CACNA2D1: variants seen among roughly 807,000 people sequenced by gnomAD.
The protein encoded by CACNA2D1 is calcium voltage-gated channel auxiliary subunit alpha2delta 1, also known as voltage-dependent calcium channel subunit alpha-2/delta-1.
Under a neutral mutation model 171.5 loss-of-function variants are expected in CACNA2D1, and 53 were observed. The observed-to-expected ratio is 0.31, with a 90% CI of 0.25 to 0.39. The LOEUF (loss-of-function observed/expected upper bound fraction) is 0.39. Ranked by LOEUF, CACNA2D1 falls within the 10% of genes least tolerant of loss-of-function variation. The pLI is 1.00. For missense variants in CACNA2D1, 903 were observed against 1,299.8 expected, an observed-to-expected ratio of 0.69 and a Z score of 4.69; for synonymous variants, 442 against 443.1, an observed-to-expected ratio of 1.00 and a Z score of 0.03.
intron 1 of CACNA2D1, among the ~76,000 whole-genome samples, chr7:82,357,861 T>TA (rs58172656): frequency 0.098 from 11,603 of 118,124 alleles, 504 homozygotes; most frequent in African/African-American, 0.15. Context: ...TAAAGTATAA[T>TA]AAAAAAAAAA....
At chr7:82,264,599 A>G (rs1317206950) in intron 3 of CACNA2D1, among the ~76,000 whole-genome samples, 1 of 152,194 alleles carries the variant, frequency 6.6e-6, no homozygotes, top group Non-Finnish European at 1.5e-5. Flanking sequence ...TCAAATTTTA[A>G]TTATGCTGCC....
At chr7:82,230,927 G>A (rs1263931510) in intron 3 of CACNA2D1, among the ~76,000 whole-genome samples, 1 of 152,136 alleles carries the variant, frequency 6.6e-6, no homozygotes, top group African/African-American at 2.4e-5. Flanking sequence ...CTTGAGGCAG[G>A]CGCCAAGTCA....
chr7:81,963,759 ATATT>A (rs1445570106), intron 34 of CACNA2D1, among the ~76,000 whole-genome samples: 1 of 151,996 alleles, frequency 6.6e-6, no homozygotes, highest in African/African-American at 2.4e-5. Flanking sequence ...GTTTTTATAA[ATATT>A]TAATACAAAT....
chr7:82,285,031 C>T (rs1031688859), intron 3 of CACNA2D1, among the ~76,000 whole-genome samples: 2 of 152,078 alleles, frequency 1.3e-5, no homozygotes, highest in East Asian at 3.9e-4. Context: ...AAGCCCGGGG[C>T]GATGAAAATC....
chr7:82,429,939 C>A (rs576791528), intron 1 of CACNA2D1, among the ~76,000 whole-genome samples: 1 of 152,272 alleles, frequency 6.6e-6, no homozygotes, highest in Non-Finnish European at 1.5e-5. Flanking sequence ...CCATTGTGCC[C>A]ATCTTCCTGA....
At chr7:82,378,965 G>A (rs1823355493) in intron 1 of CACNA2D1, among the ~76,000 whole-genome samples, 1 of 151,440 alleles carries the variant, frequency 6.6e-6, no homozygotes, top group Non-Finnish European at 1.5e-5. Context: ...GTGTGTGTGT[G>A]TGTGTGTGTG....
At chr7:81,990,427 G>C (rs1797421430) in intron 21 of CACNA2D1, among the ~76,000 whole-genome samples, 1 of 152,080 alleles carries the variant, frequency 6.6e-6, no homozygotes, top group African/African-American at 2.4e-5. Flanking sequence ...GTAGGAGAGA[G>C]TGACAATGAG....
chr7:82,194,541 A>C (rs1159683887), intron 3 of CACNA2D1, among the ~76,000 whole-genome samples: 1 of 151,982 alleles, frequency 6.6e-6, no homozygotes, highest in East Asian at 1.9e-4. Flanking sequence ...TTAATGAATA[A>C]TAGCTATTAA....
intron 1 of CACNA2D1, among the ~76,000 whole-genome samples, chr7:82,396,346 T>C (rs1159513377): frequency 1.3e-5 from 2 of 152,142 alleles, no homozygotes; most frequent in East Asian, 1.9e-4. Flanking sequence ...AAAAAATACA[T>C]AAATAAGATT....
intron 4 of CACNA2D1, among the ~76,000 whole-genome samples, chr7:82,164,883 G>T (rs1795281072): frequency 6.6e-6 from 1 of 151,878 alleles, no homozygotes; most frequent in Admixed American, 6.6e-5. Context: ...CAAATAAGCA[G>T]TATACAACAA....
chr7:82,148,460 A>G (rs1793408418), intron 4 of CACNA2D1, among the ~76,000 whole-genome samples: 1 of 152,200 alleles, frequency 6.6e-6, no homozygotes, highest in South Asian at 2.1e-4. Flanking sequence ...CTCCAGTTAT[A>G]GGTAGGAAAC....
intron 3 of CACNA2D1, among the ~76,000 whole-genome samples, chr7:82,310,660 G>A (rs1814341551): frequency 6.6e-6 from 1 of 152,022 alleles, no homozygotes; most frequent in Non-Finnish European, 1.5e-5. Flanking sequence ...AAAAGGGGAA[G>A]GGAGAGAGAA....
chr7:82,291,860 A>G (rs1811680508), intron 3 of CACNA2D1, among the ~76,000 whole-genome samples: 3 of 151,624 alleles, frequency 2.0e-5, no homozygotes, highest in Admixed American at 2.0e-4. Context: ...TTCCATTTTT[A>G]AATATAACAC....
At chr7:82,388,062 C>CAAAAAAAAAAAAAAAA (rs772179078) in intron 1 of CACNA2D1, among the ~76,000 whole-genome samples, 1 of 79,226 alleles carries the variant, frequency 1.3e-5, no homozygotes, top group African/African-American at 4.3e-5. Context: ...ACCCTGTCTC[C>CAAAAAAAAAAAAAAAA]AAAAAAAAAA....
chr7:82,236,869 TA>T (rs997333653), intron 3 of CACNA2D1, among the ~76,000 whole-genome samples: 30 of 151,980 alleles, frequency 2.0e-4, no homozygotes, highest in Admixed American at 2.0e-4. Context: ...ATATTAACTC[TA>T]AATTTTAAAA....
At chr7:82,375,105 T>C (rs1822867566) in intron 1 of CACNA2D1, among the ~76,000 whole-genome samples, 1 of 152,132 alleles carries the variant, frequency 6.6e-6, no homozygotes, top group Admixed American at 6.5e-5. Context: ...CACTCCCTCC[T>C]GGAGTCAGAG....
At chr7:81,991,299 T>C (rs1797517246) in intron 20 of CACNA2D1, 53 bp from the exon 21 acceptor site, 2 of 893,082 alleles carry the variant, frequency 2.2e-6, no homozygotes, top group Admixed American at 1.7e-5. Flanking sequence ...TATGAATATA[T>C]ACGAAAAGTA....
chr7:82,129,655 C>G (rs918458083), intron 5 of CACNA2D1, among the ~76,000 whole-genome samples: 8 of 152,158 alleles, frequency 5.3e-5, no homozygotes, highest in Non-Finnish European at 1.0e-4. Flanking sequence ...TTCTGCCTGA[C>G]ATATCTGAAG....
At chr7:82,026,848 T>C (rs1183237988) in intron 12 of CACNA2D1, among the ~76,000 whole-genome samples, 2 of 151,786 alleles carry the variant, frequency 1.3e-5, no homozygotes, top group African/African-American at 2.4e-5. Context: ...CATAAACAAT[T>C]ACTACACAAA....
Sources: gnomAD v4.1 joint callset for allele counts (sites outside exome capture counted in the v4.1 genomes callset) on GRCh38, gnomAD v4.1.1 for gene constraint, MANE v1.5 for transcripts, NCBI Gene and HGNC (gene_info 2026-07-23, HGNC 2026-07-21) for gene names.